Variants in FGGY observed in about 807,000 individuals in gnomAD.
FGGY encodes the protein FGGY carbohydrate kinase domain-containing protein.
Under a neutral mutation model 71.3 loss-of-function variants are expected in FGGY, and 72 were observed. The ratio of observed to expected loss-of-function variants is 1.01; its 90% CI spans 0.84 to 1.23. The LOEUF (loss-of-function observed/expected upper bound fraction) is 1.23, where lower values mean the gene tolerates loss of function less well. Among genes scored for constraint, FGGY ranks in the 50% most tolerant of loss-of-function variants. FGGY has a pLI of 0.00. For synonymous variants in FGGY, 251 were observed against 250.3 expected, an observed-to-expected ratio of 1.00 and a Z score of -0.02; for missense variants, 668 against 682.3, an observed-to-expected ratio of 0.98 and a Z score of 0.23.
chr1:59,544,013 G>A (rs149976913), intron 7 of FGGY, among the ~76,000 whole-genome samples: 2 of 152,330 alleles, frequency 1.3e-5, no homozygotes, highest in Admixed American at 6.5e-5. Context: ...TACCTAGGAT[G>A]AGCAACTATT....
Position 59,606,810 on chromosome 1 carries a change from C to T in FGGY, c.904-993C>T, listed in dbSNP as rs538344198. 5.3e-5 allele frequency among the ~76,000 whole-genome samples: 8 copies of T among 152,262 alleles called. No homozygotes were observed. The East Asian group carries it at 1.3e-3, about 26-fold the overall frequency. ...ATCTTTGTATAATCTTTAGTACATT[C>T]CTCACCTCCTGTGCCCATCCACAAT... On this transcript the variant is annotated intron_variant, in intron 8 of 15. Coordinates refer to ENST00000303721, the MANE Select transcript of FGGY (RefSeq NM_018291.5).
Position 59,538,299 on chromosome 1 carries a change from A to T in FGGY, c.800-15825A>T, listed in dbSNP as rs1456985127. Among the ~76,000 whole-genome samples the T allele has an allele frequency of 2.0e-5, 3 of 150,884 alleles. No homozygotes were observed. The East Asian group carries it at 5.8e-4, about 29-fold the overall frequency. On this transcript the variant is annotated intron_variant, in intron 7 of 15. Coordinates refer to ENST00000303721, the MANE Select transcript of FGGY (RefSeq NM_018291.5). Reference sequence around the variant, plus strand: ...CAAATCAAAACCACAATGAGATACCATCTCACACCAGTTAGAATGGCAATC... The same window carrying T: ...CAAATCAAAACCACAATGAGATACCTTCTCACACCAGTTAGAATGGCAATC...
intron 14 of FGGY, among the ~76,000 whole-genome samples, chr1:59,690,057 C>T (rs1361141662): frequency 6.6e-6 from 1 of 152,202 alleles, no homozygotes; most frequent in African/African-American, 2.4e-5. Context: ...CAGTTGTCTT[C>T]ATCTCAGTAA....
At chr1:59,432,204 C>G (rs187418209) in intron 5 of FGGY, among the ~76,000 whole-genome samples, 2 of 152,308 alleles carry the variant, frequency 1.3e-5, no homozygotes, top group Admixed American at 6.5e-5. Flanking sequence ...GCTCCCCACC[C>G]CTTCCCACAT....
At chr1:59,469,702 GCCTAGTA>G (rs2092838702) in intron 6 of FGGY, among the ~76,000 whole-genome samples, 1 of 151,956 alleles carries the variant, frequency 6.6e-6, no homozygotes, top group African/African-American at 2.4e-5. Flanking sequence ...CAGGTATTAA[GCCTAGTA>G]CCCGTTATTT....
chr1:59,545,088 C>T lies in FGGY; in HGVS notation c.800-9036C>T, dbSNP rs76493453. Among the ~76,000 whole-genome samples the T allele has an allele frequency of 1.2e-4, 19 of 152,294 alleles. No individual in the cohort carries two copies. The East Asian group carries it at 2.1e-3, about 17-fold the overall frequency. On this transcript the variant is annotated intron_variant, in intron 7 of 15. Transcript: ENST00000303721. The stretch of plus-strand genomic sequence containing the variant: ...ATTCAGATCTGAGTCACTGGTCATT[C>T]GCATAGTGTCTTATAAATGTCTGCC...
chr1:59,393,281 C>T (rs2060913438), intron 5 of FGGY: 1 of 152,204 alleles, frequency 6.6e-6, no homozygotes, highest in Admixed American at 6.6e-5. Flanking sequence ...CTGCTGTCTC[C>T]ATGGAAAAGT....
intron 12 of FGGY, among the ~76,000 whole-genome samples, chr1:59,663,000 T>G (rs1558723393): frequency 6.6e-6 from 1 of 151,532 alleles, no homozygotes; most frequent in Non-Finnish European, 1.5e-5. Flanking sequence ...GGTGTGATAT[T>G]CCCCCTTTTG....
At chr1:59,690,203 G>A (rs1406859768) in intron 14 of FGGY, among the ~76,000 whole-genome samples, 1 of 152,164 alleles carries the variant, frequency 6.6e-6, no homozygotes, top group Admixed American at 6.5e-5. Flanking sequence ...GTGGGGTGCT[G>A]GGACTCCTGT....
At chr1:59,465,943 T>C (rs1398598656) in intron 6 of FGGY, among the ~76,000 whole-genome samples, 1 of 152,286 alleles carries the variant, frequency 6.6e-6, no homozygotes, top group Middle Eastern at 3.4e-3. Flanking sequence ...AGGTAATTTA[T>C]AGATTCCATG....
chr1:59,734,354 C>T lies in FGGY; in HGVS notation c.1513-23577C>T, dbSNP rs574748815. ...GGTAGCTGGGACCGCAGGCGTGCAC[C>T]GCCACACCCAGCTAATTTTTTGTGT... On this transcript the variant is annotated intron_variant, in intron 14 of 15. Transcript: ENST00000303721. Among the ~76,000 whole-genome samples, 9 of 152,232 alleles carry T rather than the reference C, an allele frequency of 5.9e-5. 1 individual carries two copies. In the South Asian group the frequency reaches 8.3e-4, roughly 14 times the overall value.
At chr1:59,469,413 A>C (rs1447966968) in intron 6 of FGGY, among the ~76,000 whole-genome samples, 3 of 152,156 alleles carry the variant, frequency 2.0e-5, no homozygotes, top group Non-Finnish European at 4.4e-5. Context: ...AGAATGAGAG[A>C]GGGCAAGAGG....
intron 4 of FGGY, among the ~76,000 whole-genome samples, chr1:59,373,676 C>G (rs1467125038): frequency 1.3e-5 from 2 of 152,080 alleles, no homozygotes; most frequent in African/African-American, 2.4e-5. Flanking sequence ...TCTACAGTAA[C>G]CAAAACAGCA....
chr1:59,416,512 A>G (rs1479338249), intron 5 of FGGY, among the ~76,000 whole-genome samples: 1 of 152,226 alleles, frequency 6.6e-6, no homozygotes, highest in Non-Finnish European at 1.5e-5. Context: ...TCATTTCACC[A>G]TATATCCATT....
At chr1:59,692,432 C>T (rs571626838) in intron 14 of FGGY, among the ~76,000 whole-genome samples, 10 of 152,094 alleles carry the variant, frequency 6.6e-5, no homozygotes, top group Admixed American at 1.3e-4. Context: ...AATTATGTAA[C>T]TTGTTCATGA....
At chr1:59,674,348 A>T (rs747443488) in intron 14 of FGGY, among the ~76,000 whole-genome samples, 1 of 152,070 alleles carries the variant, frequency 6.6e-6, no homozygotes, top group Non-Finnish European at 1.5e-5. Context: ...TCTGTTTTTC[A>T]GTTGTTTTTT....
chr1:59,530,570 A>G (rs1002398624), intron 7 of FGGY, among the ~76,000 whole-genome samples: 8 of 152,198 alleles, frequency 5.3e-5, no homozygotes, highest in African/African-American at 1.9e-4. Context: ...AAGTTAGTAA[A>G]ATTCCCTCCC....
At chr1:59,318,110 A>G (rs141338485) in intron 1 of FGGY, among the ~76,000 whole-genome samples, 1 of 152,312 alleles carries the variant, frequency 6.6e-6, no homozygotes, top group East Asian at 1.9e-4. Flanking sequence ...GATTACTGTC[A>G]ATTGTATTAC....
chr1:59,644,907 G>T (rs543714356), intron 11 of FGGY, among the ~76,000 whole-genome samples: 1 of 152,026 alleles, frequency 6.6e-6, no homozygotes, highest in Non-Finnish European at 1.5e-5. Flanking sequence ...AACCCAGGAG[G>T]CAGAGGTTGC....
Sources: gnomAD v4.1 joint callset for allele counts (sites outside exome capture counted in the v4.1 genomes callset) on GRCh38, gnomAD v4.1.1 for gene constraint, MANE v1.5 for transcripts, NCBI Gene and HGNC (gene_info 2026-07-23, HGNC 2026-07-21) for gene names.